Variants in CNBD1 observed in about 807,000 individuals in gnomAD.
CNBD1 encodes cyclic nucleotide-binding domain-containing protein 1.
CNBD1 carries 71 observed loss-of-function variants against 54.4 expected under a neutral mutation model. That is an observed-to-expected ratio of 1.30 (90% CI 1.08 to 1.59). The LOEUF is 1.59. CNBD1 is among the 40% of genes most tolerant of loss of function. The probability of loss-of-function intolerance (pLI) is 0.00; values close to 1 mark genes in which losing one functional copy is unlikely to be tolerated. For missense variants in CNBD1, 659 were observed against 518.0 expected (o/e 1.27, Z -2.64); for synonymous variants, 182 against 170.7 (o/e 1.07, Z -0.51).
intron 4 of CNBD1, among the ~76,000 whole-genome samples, chr8:87,030,512 C>G (rs945350014): frequency 2.0e-5 from 3 of 152,086 alleles, no homozygotes; most frequent in Non-Finnish European, 4.4e-5. Flanking sequence ...CTTTTCACTC[C>G]TTTATCTCCA....
chr8:87,118,245 G>A (rs1450428110), intron 4 of CNBD1, among the ~76,000 whole-genome samples: 1 of 150,264 alleles, frequency 6.7e-6, no homozygotes, highest in Admixed American at 6.7e-5. Context: ...AACTCAGGAG[G>A]CGGAGGTTGC....
intron 8 of CNBD1, among the ~76,000 whole-genome samples, chr8:87,316,888 A>G (rs1809397169): frequency 6.6e-6 from 1 of 151,792 alleles, no homozygotes; most frequent in Non-Finnish European, 1.5e-5. Context: ...TTATTATTAT[A>G]TAAATATTCA....
chr8:87,376,576 C>T (rs1698117255), intron 10 of CNBD1, among the ~76,000 whole-genome samples: 2 of 151,868 alleles, frequency 1.3e-5, no homozygotes, highest in Non-Finnish European at 2.9e-5. Context: ...TAGCAACATG[C>T]TTCGCACACA....
intron 4 of CNBD1, among the ~76,000 whole-genome samples, chr8:86,963,128 C>T (rs763374209): frequency 1.2e-4 from 19 of 152,144 alleles, no homozygotes; most frequent in African/African-American, 1.4e-4. Context: ...TTAATTATTT[C>T]GACCTTATAT....
intron 3 of CNBD1, among the ~76,000 whole-genome samples, chr8:86,935,017 G>GTTTGTTTGTTTGTTTA (rs749935209): frequency 1.5e-5 from 1 of 65,840 alleles, no homozygotes; most frequent in African/African-American, 3.7e-5. Context: ...TTGTTTGTTT[G>GTTTGTTTGTTTGTTTA]TTTATTTATT....
chr8:87,140,124 T>C (rs1373220988), intron 4 of CNBD1, among the ~76,000 whole-genome samples: 2 of 152,164 alleles, frequency 1.3e-5, no homozygotes, highest in Non-Finnish European at 2.9e-5. Context: ...CCATTAATGC[T>C]GACAAACATA....
chr8:87,286,798 TAAC>T, intron 8 of CNBD1, 127 bp downstream of exon 8: 1 of 708,434 alleles, frequency 1.4e-6, no homozygotes, highest in Non-Finnish European at 2.3e-6. Flanking sequence ...TATTTGATAA[TAAC>T]ATTTGAATTG....
At chr8:87,259,066 T>G (rs1808081775) in intron 6 of CNBD1, among the ~76,000 whole-genome samples, 1 of 152,050 alleles carries the variant, frequency 6.6e-6, no homozygotes, top group Non-Finnish European at 1.5e-5. Context: ...TGTAAACCTA[T>G]TTTTTCAGTA....
intron 4 of CNBD1, among the ~76,000 whole-genome samples, chr8:86,961,361 C>T (rs1286156894): frequency 6.6e-6 from 1 of 152,220 alleles, no homozygotes; most frequent in South Asian, 2.1e-4. Flanking sequence ...TGGGGCCAAA[C>T]AGCACCAAAG....
chr8:87,207,471 C>G (rs760147398), intron 5 of CNBD1, among the ~76,000 whole-genome samples: 6 of 151,964 alleles, frequency 3.9e-5, no homozygotes, highest in Admixed American at 1.3e-4. Flanking sequence ...CACACACACA[C>G]ACACATAAAC....
chr8:87,082,238 C>T (rs1811010744), intron 4 of CNBD1, among the ~76,000 whole-genome samples: 1 of 152,180 alleles, frequency 6.6e-6, no homozygotes, highest in Non-Finnish European at 1.5e-5. Context: ...CACCCTGCAC[C>T]TTGTGACCCA....
chr8:87,377,082 TTTTA>T (rs869237588), intron 10 of CNBD1, among the ~76,000 whole-genome samples: 10 of 148,946 alleles, frequency 6.7e-5, no homozygotes, highest in South Asian at 4.2e-4. Flanking sequence ...TTTTATTTTA[TTTTA>T]TTTCTTATTT....
chr8:87,335,869 T>C (rs1479490028), intron 8 of CNBD1, among the ~76,000 whole-genome samples: 1 of 152,192 alleles, frequency 6.6e-6, no homozygotes, highest in Non-Finnish European at 1.5e-5. Flanking sequence ...TATTTAGTGC[T>C]TCCTTCAGGA....
chr8:87,249,555 T>A (rs962592466), intron 6 of CNBD1, among the ~76,000 whole-genome samples: 3 of 152,116 alleles, frequency 2.0e-5, no homozygotes, highest in African/African-American at 7.2e-5. Context: ...GACTAGGTTA[T>A]AGGTCTATCT....
chr8:87,020,442 A>T (rs1360015808), intron 4 of CNBD1, among the ~76,000 whole-genome samples: 3 of 152,198 alleles, frequency 2.0e-5, no homozygotes, highest in African/African-American at 7.2e-5. Flanking sequence ...GTGCTGTGGG[A>T]ACCGATGCTG....
At chr8:87,131,278 G>T (rs1812113527) in intron 4 of CNBD1, among the ~76,000 whole-genome samples, 1 of 151,748 alleles carries the variant, frequency 6.6e-6, no homozygotes, top group Non-Finnish European at 1.5e-5. Context: ...TGACTTTTTT[G>T]AGTTAATTGC....
At position 87,137,012 on chromosome 8, in the gene CNBD1, G is replaced by A. The variant is rs867494332; in HGVS notation, c.432-68981G>A. On this transcript the variant is annotated intron_variant, in intron 4 of 10. Transcript: ENST00000518476. ...TAAATTATATATATTTATATTCTAT[G>A]TAAATTATATATATTATATTTATAT... Among the ~76,000 whole-genome samples the A allele has an allele frequency of 5.1e-5, 5 of 97,320 alleles. 1 individual carries two copies. The highest frequency in any genetic ancestry group is 9.4e-5 in the Non-Finnish European group (5 of 53,364). 63.8% of individuals were successfully genotyped at this position (97,320 alleles called of 152,430 possible).
At chr8:87,296,853 T>C (rs1023048880) in intron 8 of CNBD1, among the ~76,000 whole-genome samples, 2 of 152,094 alleles carry the variant, frequency 1.3e-5, no homozygotes, top group African/African-American at 2.4e-5. Context: ...ACATATATCA[T>C]TTTAAATTTT....
chr8:86,883,872 CT>C (rs1178999533), intron 1 of CNBD1, among the ~76,000 whole-genome samples: 1 of 152,070 alleles, frequency 6.6e-6, no homozygotes, highest in African/African-American at 2.4e-5. Context: ...CCCCTTTCGG[CT>C]GGGCGCGGTG....
Sources: allele counts gnomAD v4.1 joint callset (sites outside exome capture counted in the v4.1 genomes callset), GRCh38; gene constraint gnomAD v4.1.1; transcripts MANE v1.5; gene names NCBI Gene and HGNC (gene_info 2026-07-23, HGNC 2026-07-21).